Variants in DIP2C observed in about 807,000 individuals in gnomAD.
DIP2C encodes disco-interacting protein 2 homolog C.
In DIP2C, 33 loss-of-function variants were observed where a neutral mutation model predicts 192.4. The observed-to-expected ratio is 0.17, with a 90% CI of 0.13 to 0.23. DIP2C has a LOEUF of 0.23. DIP2C is among the 10% of genes least tolerant of loss of function. The pLI is 1.00. For synonymous variants in DIP2C, 979 were observed against 864.1 expected (o/e 1.13, Z -2.33); for missense variants, 1,537 against 2,110.1 (o/e 0.73, Z 5.32).
chr10:364,622 T>G, intron 19 of DIP2C, 40 bp from the exon 20 acceptor site: 1 of 1,597,442 alleles, frequency 6.3e-7, no homozygotes, highest in Non-Finnish European at 8.6e-7. Context: ...GTTCATGTGG[T>G]CAGCTGGTTT....
intron 1 of DIP2C, among the ~76,000 whole-genome samples, chr10:526,440 TACAGCTGC>T (rs889271002): frequency 1.3e-5 from 2 of 151,228 alleles, no homozygotes; most frequent in African/African-American, 4.9e-5. Context: ...TTTCTATTCA[TACAGCTGC>T]ACAGCTGGGG....
At chr10:376,212 C>T (rs947419518) in intron 17 of DIP2C, among the ~76,000 whole-genome samples, 42 of 151,972 alleles carry the variant, frequency 2.8e-4, no homozygotes, top group Non-Finnish European at 5.0e-4. Context: ...ACAAAGCAGG[C>T]GCGAGAGCAG....
At chr10:487,251 T>C (rs1349467202) in intron 1 of DIP2C, among the ~76,000 whole-genome samples, 1 of 152,254 alleles carries the variant, frequency 6.6e-6, no homozygotes, top group Admixed American at 6.5e-5. Context: ...TCATTCGCTG[T>C]TCATTTTTTT....
In DIP2C at chr10:439,842, A is replaced by C. The variant is rs113187157; in HGVS notation, c.394+1029T>G. On this transcript the variant is annotated intron_variant, in intron 4 of 36. Coordinates refer to ENST00000280886, the MANE Select transcript of DIP2C (RefSeq NM_014974.3). ...AAACTTCAAAAGTAAAAATACTCCC[A>C]AAAAATTGTACATTTTCAACTATTC... is the stretch of plus-strand genomic sequence containing the variant. Among the ~76,000 whole-genome samples the C allele has an allele frequency of 2.0e-3, 302 of 152,290 alleles. 1 individual carries two copies. Among genetic ancestry groups the C allele is most frequent in the Middle Eastern group, 0.01 (3 of 294 alleles).
rs1164785895 is a variant in DIP2C, at chr10:493,044, G to T, written c.86-6514C>A. The stretch of plus-strand genomic sequence containing the variant: ...GTGTGCCGCGCGGAGCAGAGGCTTT[G>T]TGAGTTTGAGGAGACTCCTGTCCTA... On this transcript the variant is annotated intron_variant, in intron 1 of 36. Coordinates refer to ENST00000280886, the MANE Select transcript of DIP2C (RefSeq NM_014974.3). Among the ~76,000 whole-genome samples, 4 of 152,348 alleles carry T rather than the reference G, an allele frequency of 2.6e-5. 1 individual carries two copies. The South Asian group carries it at 6.2e-4, about 24-fold the overall frequency.
intron 1 of DIP2C, among the ~76,000 whole-genome samples, chr10:619,256 C>G (rs1235101259): frequency 6.6e-6 from 1 of 152,176 alleles, no homozygotes; most frequent in Non-Finnish European, 1.5e-5. Flanking sequence ...TTAAATCACC[C>G]CAAACTTAGT....
intron 1 of DIP2C, among the ~76,000 whole-genome samples, chr10:557,420 G>A (rs1031325259): frequency 6.6e-6 from 1 of 151,536 alleles, no homozygotes; most frequent in African/African-American, 2.4e-5. Context: ...ACTAGGTTTT[G>A]GAGTCACTTG....
chr10:422,088 G>A (rs1373698362), intron 5 of DIP2C, among the ~76,000 whole-genome samples: 2 of 152,322 alleles, frequency 1.3e-5, no homozygotes, highest in South Asian at 4.1e-4. Flanking sequence ...TACCGGGAGG[G>A]TCTGAGCCCG....
chr10:341,470 G>A, intron 28 of DIP2C, 141 bp from the exon 29 acceptor site: 3 of 1,268,888 alleles, frequency 2.4e-6, no homozygotes, highest in Admixed American at 1.9e-5. Flanking sequence ...ATACGGGGCT[G>A]CACTGAACGC....
intron 1 of DIP2C, among the ~76,000 whole-genome samples, chr10:614,405 A>C (rs1473787078): frequency 6.6e-6 from 1 of 152,218 alleles, no homozygotes; most frequent in Non-Finnish European, 1.5e-5. Flanking sequence ...CAAGTCTAAC[A>C]GTGCCGGCTC....
intron 3 of DIP2C, among the ~76,000 whole-genome samples, chr10:457,558 CTTTT>C (rs200740677): frequency 6.6e-6 from 1 of 152,006 alleles, no homozygotes; most frequent in African/African-American, 2.4e-5. Flanking sequence ...AGATTAAATT[CTTTT>C]TTTTCTTTTT....
rs187491499 is a variant in DIP2C at position 448,373 on chromosome 10, G to A, written c.269-7377C>T. 3.0e-3 allele frequency among the ~76,000 whole-genome samples: 354 copies of A among 118,098 alleles called. 3 individuals are homozygous for A. The highest frequency in any genetic ancestry group is 5.9e-3 in the East Asian group (21 of 3,534). 77.5% of individuals were successfully genotyped at this position (118,098 alleles called of 152,430 possible). A position where few individuals can be genotyped will look rare whatever the true frequency, so the allele number is the denominator to read the frequency against. Reference sequence around the variant, plus strand: ...GCAGCAGGACCCACTCACTCCCGTCGATACTCAGGATCACACGCAGTGGGG... The same window carrying A: ...GCAGCAGGACCCACTCACTCCCGTCAATACTCAGGATCACACGCAGTGGGG... On this transcript the variant is annotated intron_variant, in intron 3 of 36. Coordinates refer to ENST00000280886, the MANE Select transcript of DIP2C (RefSeq NM_014974.3).
At chr10:572,736 A>C (rs192023803) in intron 1 of DIP2C, among the ~76,000 whole-genome samples, 1 of 152,330 alleles carries the variant, frequency 6.6e-6, no homozygotes, top group Admixed American at 6.5e-5. Context: ...TGAAAGTCAC[A>C]GATGCGGGTT....
intron 1 of DIP2C, among the ~76,000 whole-genome samples, chr10:552,248 G>A (rs1415324503): frequency 1.3e-5 from 2 of 152,212 alleles, no homozygotes; most frequent in Non-Finnish European, 2.9e-5. Flanking sequence ...CCAGTAGCAA[G>A]ACATTTTCTA....
At chr10:386,087 G>C (rs1589673478) in intron 14 of DIP2C, among the ~76,000 whole-genome samples, 1 of 152,296 alleles carries the variant, frequency 6.6e-6, no homozygotes, top group East Asian at 1.9e-4. Context: ...GCCCCGCGAC[G>C]AGGCCTCGAA....
chr10:511,855 G>A (rs1349798668), intron 1 of DIP2C, among the ~76,000 whole-genome samples: 1 of 152,244 alleles, frequency 6.6e-6, no homozygotes, highest in East Asian at 1.9e-4. Flanking sequence ...AGAACAAAGT[G>A]AGCCTGGCTT....
intron 1 of DIP2C, among the ~76,000 whole-genome samples, chr10:672,063 G>A (rs1038679605): frequency 1.4e-5 from 2 of 146,092 alleles, no homozygotes; most frequent in Admixed American, 6.8e-5. Flanking sequence ...ACACACAGAC[G>A]GAGGAAACGC....
At chr10:390,471 T>C (rs1963371163) in intron 11 of DIP2C, 98 bp from the exon 12 acceptor site, 1 of 1,229,038 alleles carries the variant, frequency 8.1e-7, no homozygotes, top group Non-Finnish European at 1.2e-6. Context: ...ACACGTCAAC[T>C]AGATCGAATC....
chr10:571,990 T>G (rs895641489), intron 1 of DIP2C, among the ~76,000 whole-genome samples: 3 of 152,252 alleles, frequency 2.0e-5, no homozygotes, highest in Non-Finnish European at 4.4e-5. Context: ...CTTGGTTTCA[T>G]GTTTGCGAAA....
Sources: gnomAD v4.1 joint callset for allele counts (sites outside exome capture counted in the v4.1 genomes callset) on GRCh38, gnomAD v4.1.1 for gene constraint, MANE v1.5 for transcripts, NCBI Gene and HGNC (gene_info 2026-07-23, HGNC 2026-07-21) for gene names.